Variants in ARB2A observed in about 807,000 individuals in gnomAD.
ARB2A encodes ARB2 cotranscriptional regulator A, also known as cotranscriptional regulator ARB2A.
the ARB2A span, among the ~76,000 whole-genome samples, chr5:93,664,873 C>T: frequency 6.6e-6 from 1 of 152,062 alleles, no homozygotes; most frequent in Non-Finnish European, 1.5e-5. Flanking sequence ...GTCACCCAGG[C>T]TGGAGTGCAA....
the ARB2A span, among the ~76,000 whole-genome samples, chr5:93,633,074 A>G: frequency 2.4e-4 from 37 of 152,320 alleles, no homozygotes; most frequent in African/African-American, 8.9e-4. Flanking sequence ...TCACTTCTAC[A>G]GATGGTCACA....
the ARB2A span, among the ~76,000 whole-genome samples, chr5:94,080,867 C>G: frequency 6.6e-6 from 1 of 152,128 alleles, no homozygotes; most frequent in Non-Finnish European, 1.5e-5. Flanking sequence ...CAAATTCTGT[C>G]TCAGCATCTG....
the ARB2A span, among the ~76,000 whole-genome samples, chr5:94,068,033 G>A: frequency 2.3e-4 from 35 of 152,178 alleles, no homozygotes; most frequent in Non-Finnish European, 1.5e-4. Context: ...TTGGGAGGCC[G>A]AAGTGTGCGG....
the ARB2A span, among the ~76,000 whole-genome samples, chr5:93,698,227 T>C: frequency 5.3e-5 from 8 of 152,208 alleles, no homozygotes; most frequent in African/African-American, 7.2e-5. Context: ...TATTTCCAAG[T>C]TGGCATTCCC....
the ARB2A span, among the ~76,000 whole-genome samples, chr5:93,814,516 T>A: frequency 1.3e-5 from 2 of 152,232 alleles, no homozygotes; most frequent in Non-Finnish European, 2.9e-5. Flanking sequence ...TATCAGTTCA[T>A]CTATACAAAT....
chr5:93,940,126 A>G, the ARB2A span, among the ~76,000 whole-genome samples: 1 of 152,090 alleles, frequency 6.6e-6, no homozygotes, highest in African/African-American at 2.4e-5. Context: ...AAGCAACAAA[A>G]CACATTTTAA....
chr5:93,791,546 G>C, the ARB2A span, among the ~76,000 whole-genome samples: 2 of 152,192 alleles, frequency 1.3e-5, no homozygotes, highest in Non-Finnish European at 2.9e-5. Flanking sequence ...CTCACAGATG[G>C]ACAAGCAGTC....
chr5:93,774,110 GT>G, the ARB2A span, among the ~76,000 whole-genome samples: 2 of 152,144 alleles, frequency 1.3e-5, no homozygotes, highest in East Asian at 3.9e-4. Flanking sequence ...TACTGTAATT[GT>G]TTTGAGGTGC....
At chr5:93,662,280 T>C in the ARB2A span, among the ~76,000 whole-genome samples, 2 of 152,282 alleles carry the variant, frequency 1.3e-5, no homozygotes, top group Middle Eastern at 3.4e-3. Flanking sequence ...TCTCTGTTCC[T>C]TGTAGATAAA....
the ARB2A span, among the ~76,000 whole-genome samples, chr5:94,091,296 T>C: frequency 6.6e-6 from 1 of 152,202 alleles, no homozygotes; most frequent in Non-Finnish European, 1.5e-5. Flanking sequence ...GTATTCCTAA[T>C]ACAAATAAAA....
At chr5:93,992,195 T>C in the ARB2A span, among the ~76,000 whole-genome samples, 1 of 151,986 alleles carries the variant, frequency 6.6e-6, no homozygotes, top group African/African-American at 2.4e-5. Context: ...TGAAGCAAGA[T>C]AAAGACCATT....
At chr5:93,838,072 T>C in the ARB2A span, among the ~76,000 whole-genome samples, 1 of 152,202 alleles carries the variant, frequency 6.6e-6, no homozygotes, top group Non-Finnish European at 1.5e-5. Context: ...TGTCTTGAAA[T>C]CTTTGCCAGG....
chr5:93,990,745 A>G, the ARB2A span, among the ~76,000 whole-genome samples: 5 of 152,020 alleles, frequency 3.3e-5, no homozygotes, highest in Admixed American at 2.0e-4. Flanking sequence ...ACAACTAGAC[A>G]ACTGTATAAA....
chr5:93,786,372 C>T, the ARB2A span, among the ~76,000 whole-genome samples: 6 of 152,174 alleles, frequency 3.9e-5, no homozygotes, highest in East Asian at 5.8e-4. Flanking sequence ...TTCTGGCTGA[C>T]GTTTCATACA....
At chr5:93,846,033 ACAC>A in the ARB2A span, among the ~76,000 whole-genome samples, 1 of 119,028 alleles carries the variant, frequency 8.4e-6, no homozygotes, top group South Asian at 2.8e-4. Context: ...ACACACACAC[ACAC>A]AATCACACAA....
chr5:93,852,738 C>G, the ARB2A span, among the ~76,000 whole-genome samples: 1 of 152,120 alleles, frequency 6.6e-6, no homozygotes, highest in Non-Finnish European at 1.5e-5. Flanking sequence ...TTGTTTTTCT[C>G]AGGTTTGTCA....
the ARB2A span, among the ~76,000 whole-genome samples, chr5:93,706,860 G>A: frequency 3.7e-5 from 5 of 135,886 alleles, no homozygotes; most frequent in Admixed American, 7.3e-5. Flanking sequence ...ACAAGATTCC[G>A]TCAAAAAAAA....
chr5:93,851,695 T>C, the ARB2A span, among the ~76,000 whole-genome samples: 5 of 152,110 alleles, frequency 3.3e-5, no homozygotes, highest in South Asian at 6.2e-4. Context: ...TGAGTGAGAA[T>C]ATGTGGTGTT....
chr5:93,962,736 T>C, the ARB2A span, among the ~76,000 whole-genome samples: 2 of 152,092 alleles, frequency 1.3e-5, no homozygotes, highest in Non-Finnish European at 2.9e-5. Context: ...ATTAATTTCC[T>C]AAGACAAAAT....
Sources: gnomAD v4.1 joint callset for allele counts (sites outside exome capture counted in the v4.1 genomes callset) on GRCh38, gnomAD v4.1.1 for gene constraint, MANE v1.5 for transcripts, NCBI Gene and HGNC (gene_info 2026-07-23, HGNC 2026-07-21) for gene names.